The following BABAM2 variants were observed in gnomAD, a reference collection of about 807,000 sequenced individuals.
BABAM2 encodes BRISC and BRCA1 A complex member 2.
A neutral mutation model predicts 54.7 loss-of-function variants in BABAM2; 31 were observed. The observed-to-expected ratio is 0.57, with a 90% confidence interval of 0.43 to 0.77. The LOEUF (loss-of-function observed/expected upper bound fraction) is 0.77, where lower values mean the gene tolerates loss of function less well. Among genes scored for constraint, BABAM2 ranks in the 30% least tolerant of loss-of-function variants. The pLI is 0.00. For missense variants in BABAM2, 364 were observed against 455.8 expected (o/e 0.80, Z 1.83); for synonymous variants, 167 against 162.9 (o/e 1.03, Z -0.19).
chr2:27,890,435 C>T, upstream of BABAM2: 2 of 1,290,616 alleles, frequency 1.5e-6, no homozygotes, highest in South Asian at 1.3e-5. This position sits in a 1 kb window ranked among gnomAD's most constrained non-coding sequence, Gnocchi z 4.8. Flanking sequence ...CCCTCCCTAA[C>T]GACGCGGGCC....
Position 28,308,259 on chromosome 2 carries a change from C to G in BABAM2, c.1088+9768C>G, listed in dbSNP as rs918720828. On this transcript the variant is annotated intron_variant, in intron 11 of 11. Coordinates refer to ENST00000379624, the MANE Select transcript of BABAM2 (RefSeq NM_199191.3). The stretch of plus-strand genomic sequence containing the variant: ...AGGCAGTGCTTAAAGGTGTCCACAG[C>G]CACAAAAAGAAGATCCAATCCACAC... The G allele has an allele frequency of 1.0e-5, 4 of 399,766 alleles. No individual in the cohort carries two copies. In the Admixed American group the frequency reaches 1.1e-4, roughly 11 times the overall value. The allele number at this position is 399,766 out of a possible 1,614,324, so 24.8% of individuals were successfully genotyped here.
chr2:28,076,505 G>T (rs1211706158), intron 6 of BABAM2, among the ~76,000 whole-genome samples: 1 of 147,446 alleles, frequency 6.8e-6, no homozygotes, highest in Admixed American at 6.7e-5. Flanking sequence ...TAGTTAGTTA[G>T]TTATTTTTGA....
At chr2:28,270,040 A>C (rs990689090) in intron 10 of BABAM2, among the ~76,000 whole-genome samples, 1 of 152,120 alleles carries the variant, frequency 6.6e-6, no homozygotes, top group African/African-American at 2.4e-5. Context: ...TATTATTATA[A>C]TTTTATTAGA....
chr2:28,163,134 T>G (rs1389502968), intron 7 of BABAM2, among the ~76,000 whole-genome samples: 1 of 152,120 alleles, frequency 6.6e-6, no homozygotes, highest in Non-Finnish European at 1.5e-5. Context: ...AAGACGGTGG[T>G]GTCATCTTTT....
chr2:28,239,371 A>T (rs1682203548), intron 8 of BABAM2, among the ~76,000 whole-genome samples: 1 of 152,176 alleles, frequency 6.6e-6, no homozygotes, highest in East Asian at 1.9e-4. Flanking sequence ...GCCAATATAA[A>T]CAATTTTGGG....
chr2:28,165,682 G>C (rs752679982), intron 7 of BABAM2, among the ~76,000 whole-genome samples: 1 of 151,690 alleles, frequency 6.6e-6, no homozygotes, highest in Non-Finnish European at 1.5e-5. Flanking sequence ...TTACAGGCAT[G>C]TGCCACCACA....
At chr2:27,924,696 T>C (rs553031823) in intron 2 of BABAM2, among the ~76,000 whole-genome samples, 1 of 152,296 alleles carries the variant, frequency 6.6e-6, no homozygotes, top group African/African-American at 2.4e-5. Context: ...CTATGCTCTT[T>C]TTTGATTAAC....
At chr2:28,165,594 G>T (rs1673588914) in intron 7 of BABAM2, among the ~76,000 whole-genome samples, 1 of 144,544 alleles carries the variant, frequency 6.9e-6, no homozygotes, top group South Asian at 2.2e-4. Flanking sequence ...GAGTGCAGTG[G>T]TATGATATTG....
chr2:28,219,424 CGT>C (rs1680196058), intron 7 of BABAM2, among the ~76,000 whole-genome samples: 1 of 152,190 alleles, frequency 6.6e-6, no homozygotes, highest in Non-Finnish European at 1.5e-5. Flanking sequence ...TTTAAGGACT[CGT>C]GTGTCTAGAT....
intron 7 of BABAM2, among the ~76,000 whole-genome samples, chr2:28,233,815 A>G (rs546432066): frequency 1.3e-5 from 2 of 152,358 alleles, no homozygotes; most frequent in South Asian, 2.1e-4. Flanking sequence ...TTGAGATCAA[A>G]TGAATCTGAT....
At chr2:28,277,630 G>A (rs969884680) in intron 10 of BABAM2, among the ~76,000 whole-genome samples, 1 of 152,254 alleles carries the variant, frequency 6.6e-6, no homozygotes, top group South Asian at 2.1e-4. Context: ...GGTGCTTCAC[G>A]GTTGCCTCCG....
At chr2:28,183,754 C>T (rs918295065) in intron 7 of BABAM2, among the ~76,000 whole-genome samples, 2 of 151,716 alleles carry the variant, frequency 1.3e-5, no homozygotes, top group Admixed American at 1.3e-4. Flanking sequence ...CACACACACA[C>T]ACACACACAC....
chr2:27,953,032 C>CT (rs1270591432), intron 3 of BABAM2, among the ~76,000 whole-genome samples: 1 of 151,986 alleles, frequency 6.6e-6, no homozygotes, highest in Non-Finnish European at 1.5e-5. Context: ...CTCTCTCTCT[C>CT]TTTTTTTGAA....
intron 2 of BABAM2, among the ~76,000 whole-genome samples, chr2:27,905,050 G>C (rs966386471): frequency 6.6e-6 from 1 of 152,208 alleles, no homozygotes; most frequent in African/African-American, 2.4e-5. Flanking sequence ...TAGGAATTCA[G>C]TTGTTTATTG....
At chr2:28,267,482 A>G (rs1018637988) in intron 10 of BABAM2, among the ~76,000 whole-genome samples, 10 of 152,074 alleles carry the variant, frequency 6.6e-5, no homozygotes, top group Non-Finnish European at 7.4e-5. Context: ...ATGTATTTTG[A>G]AATGGTGGTT....
chr2:27,918,297 C>T (rs993435826), intron 2 of BABAM2, among the ~76,000 whole-genome samples: 2 of 152,140 alleles, frequency 1.3e-5, no homozygotes, highest in Non-Finnish European at 2.9e-5. Context: ...GTGAATTTGA[C>T]TACTTTAGAT....
At chr2:28,025,739 CA>C (rs1279939394) in intron 5 of BABAM2, among the ~76,000 whole-genome samples, 1 of 152,164 alleles carries the variant, frequency 6.6e-6, no homozygotes, top group Non-Finnish European at 1.5e-5. Flanking sequence ...TTGCAGGCCA[CA>C]TTTTGAGACA....
chr2:28,049,695 G>A (rs1211733071), intron 6 of BABAM2, among the ~76,000 whole-genome samples: 2 of 152,228 alleles, frequency 1.3e-5, no homozygotes, highest in East Asian at 1.9e-4. Context: ...ATCAGTCAGG[G>A]CACAATCAGT....
At chr2:28,335,590 G>A (rs534466360) in intron 11 of BABAM2, among the ~76,000 whole-genome samples, 1 of 152,342 alleles carries the variant, frequency 6.6e-6, no homozygotes, top group South Asian at 2.1e-4. Flanking sequence ...CACTGAGCCA[G>A]GCCTAGTGGT....
Sources: gnomAD v4.1 joint callset for allele counts (sites outside exome capture counted in the v4.1 genomes callset) on GRCh38, gnomAD v4.1.1 for gene constraint, Gnocchi (gnomAD v3.1) non-coding constraint, MANE v1.5 for transcripts, NCBI Gene and HGNC (gene_info 2026-07-23, HGNC 2026-07-21) for gene names.